Variants in ERC1 observed in about 807,000 individuals in gnomAD.
ERC1 encodes RAB6 interacting protein 2.
ERC1 carries 56 observed loss-of-function variants against 132.0 expected under a neutral mutation model. That is an observed-to-expected ratio of 0.42 (90% CI 0.34 to 0.53). The LOEUF is 0.53. Among genes scored for constraint, ERC1 ranks in the 20% least tolerant of loss-of-function variants. ERC1 has a pLI of 0.03. For synonymous variants in ERC1, 478 were observed against 476.1 expected, an observed-to-expected ratio of 1.00 and a Z score of -0.05; for missense variants, 1,202 against 1,349.9, an observed-to-expected ratio of 0.89 and a Z score of 1.72.
chr12:993,755 AGCT>A (rs1230047768), intron 1 of ERC1, among the ~76,000 whole-genome samples: 3 of 152,110 alleles, frequency 2.0e-5, no homozygotes, highest in Non-Finnish European at 4.4e-5. Flanking sequence ...TATAAGAATT[AGCT>A]GGGCGTGGTG....
intron 17 of ERC1, among the ~76,000 whole-genome samples, chr12:1,424,307 G>T (rs2092538440): frequency 6.6e-6 from 1 of 152,162 alleles, no homozygotes; most frequent in South Asian, 2.1e-4. Flanking sequence ...AGGGGTAATA[G>T]AAGAATTAGA....
chr12:1,180,808 G>A (rs1041540959), intron 9 of ERC1, 131 bp downstream of exon 9: 66 of 1,085,006 alleles, frequency 6.1e-5, no homozygotes, highest in East Asian at 5.0e-4. Context: ...GCTGACATAC[G>A]TAGTGTGAAG....
At chr12:1,017,586 C>T (rs1660799186) in intron 1 of ERC1, among the ~76,000 whole-genome samples, 1 of 150,974 alleles carries the variant, frequency 6.6e-6, no homozygotes, top group South Asian at 2.1e-4. Context: ...GCAACCTCCA[C>T]CTCCCGGGTT....
At chr12:1,187,815 T>A (rs1393151300) in intron 11 of ERC1, among the ~76,000 whole-genome samples, 1 of 152,218 alleles carries the variant, frequency 6.6e-6, no homozygotes, top group Non-Finnish European at 1.5e-5. Context: ...GACAGACCTG[T>A]CCCTTGACTT....
At chr12:1,241,846 T>TA in intron 13 of ERC1, among the ~76,000 whole-genome samples, 1 of 123,614 alleles carries the variant, frequency 8.1e-6, no homozygotes, top group East Asian at 2.1e-4. Context: ...TTCTTCTTCT[T>TA]CTTTTTTTTT....
At chr12:1,123,866 G>T (rs1325119146) in intron 7 of ERC1, among the ~76,000 whole-genome samples, 1 of 152,278 alleles carries the variant, frequency 6.6e-6, no homozygotes, top group East Asian at 1.9e-4. Context: ...GTGGTGGCAC[G>T]CACCTGTAGT....
chr12:1,133,660 G>C (rs962207462), intron 7 of ERC1, among the ~76,000 whole-genome samples: 4 of 152,118 alleles, frequency 2.6e-5, no homozygotes, highest in Non-Finnish European at 4.4e-5. Flanking sequence ...GCATGGCGGA[G>C]TGTTGTGATT....
intron 17 of ERC1, among the ~76,000 whole-genome samples, chr12:1,410,133 T>C (rs997408855): frequency 2.6e-5 from 4 of 152,298 alleles, no homozygotes; most frequent in African/African-American, 9.6e-5. Flanking sequence ...TTTTTATTGA[T>C]TTATATATAT....
chr12:1,444,307 C>A (rs541180592), intron 17 of ERC1: 80 of 326,924 alleles, frequency 2.4e-4, no homozygotes, highest in Admixed American at 9.4e-4. Flanking sequence ...CAGAGCTGTC[C>A]GTCTGGTGTG....
chr12:1,392,833 G>A (rs2090092360), intron 16 of ERC1, among the ~76,000 whole-genome samples: 2 of 152,122 alleles, frequency 1.3e-5, no homozygotes, highest in African/African-American at 4.8e-5. Context: ...CTACAGAAAA[G>A]ACTGAAAGCC....
intron 17 of ERC1, among the ~76,000 whole-genome samples, chr12:1,408,893 G>C (rs144767832): frequency 6.6e-6 from 1 of 152,266 alleles, no homozygotes; most frequent in East Asian, 1.9e-4. Context: ...TGATGGATGG[G>C]AGAGAATGGT....
At chr12:1,015,504 A>G (rs1276255120) in intron 1 of ERC1, among the ~76,000 whole-genome samples, 1 of 152,194 alleles carries the variant, frequency 6.6e-6, no homozygotes, top group Non-Finnish European at 1.5e-5. Context: ...GCTGGTACAA[A>G]CAATGCAATA....
At chr12:1,046,225 G>C (rs61918704) in intron 2 of ERC1, among the ~76,000 whole-genome samples, 17,950 of 152,096 alleles carry the variant, frequency 0.12, 1,537 homozygotes, top group African/African-American at 0.24. Flanking sequence ...CACAATAAGA[G>C]ACAGTTCTTT....
At chr12:1,146,603 TC>T (rs1376932342) in intron 8 of ERC1, among the ~76,000 whole-genome samples, 3 of 148,308 alleles carry the variant, frequency 2.0e-5, no homozygotes, top group Non-Finnish European at 4.5e-5. Context: ...GACAAGGACT[TC>T]CAGTACTGTT....
At chr12:1,415,158 G>A (rs889945586) in intron 17 of ERC1, among the ~76,000 whole-genome samples, 5 of 152,106 alleles carry the variant, frequency 3.3e-5, no homozygotes, top group African/African-American at 9.7e-5. Flanking sequence ...AAAATCCTTC[G>A]GGTAGAAACT....
In ERC1 at chr12:1,274,146, T is replaced by G. The variant is rs150261787; in HGVS notation, c.2619+10981T>G. Among the ~76,000 whole-genome samples, 754 of 152,214 alleles carry G rather than the reference T, an allele frequency of 5.0e-3. 7 individuals are homozygous for G. Among genetic ancestry groups the G allele is most frequent in the African/African-American group, 0.017 (693 of 41,524 alleles). ...AGTGGAATAGTTACAGAAATGAGAGTCATCTACATTAGATGTCCATAGTGA... is the reference window on the plus strand; with the variant it reads ...AGTGGAATAGTTACAGAAATGAGAGGCATCTACATTAGATGTCCATAGTGA... On this transcript the variant is annotated intron_variant, in intron 14 of 18. Transcript: ENST00000360905.
At position 1,189,851 on chromosome 12, in the gene ERC1, C is replaced by A; in HGVS notation, c.2158-8C>A. 6.3e-7 allele frequency: 1 copy of A among 1,585,706 alleles called. No individual in the cohort carries two copies. The highest frequency in any genetic ancestry group is 8.6e-7 in the Non-Finnish European group (1 of 1,164,972). On this transcript the variant is annotated splice_region_variant and splice_polypyrimidine_tract_variant and intron_variant, in intron 11 of 18. Transcript: ENST00000360905. ...TATCTGATAGGATTGAAATGCTTTT[C>A]TTTGTAGGCACATGAGGCAGCATTG...
At chr12:1,106,083 C>T (rs930629772) in intron 4 of ERC1, among the ~76,000 whole-genome samples, 1 of 152,180 alleles carries the variant, frequency 6.6e-6, no homozygotes. Context: ...TCCCTGGATT[C>T]AAAATCTCGC....
intron 12 of ERC1, among the ~76,000 whole-genome samples, chr12:1,218,629 C>T (rs1958646982): frequency 6.6e-6 from 1 of 152,054 alleles, no homozygotes; most frequent in East Asian, 1.9e-4. Flanking sequence ...ACTTCCATGG[C>T]CCCATCTTAA....
Sources: allele counts gnomAD v4.1 joint callset (sites outside exome capture counted in the v4.1 genomes callset), GRCh38; gene constraint gnomAD v4.1.1; transcripts MANE v1.5; gene names NCBI Gene and HGNC (gene_info 2026-07-23, HGNC 2026-07-21).